The following MAPK8IP3 variants were observed in gnomAD, a reference collection of about 807,000 sequenced individuals.
MAPK8IP3 encodes C-Jun-amino-terminal kinase-interacting protein 3.
In MAPK8IP3, 49 loss-of-function variants were observed where a neutral mutation model predicts 157.8. The ratio of observed to expected loss-of-function variants is 0.31; its 90% CI spans 0.25 to 0.39. MAPK8IP3 has a LOEUF of 0.39. Ranked by LOEUF, MAPK8IP3 falls within the 10% of genes least tolerant of loss-of-function variation. The probability of loss-of-function intolerance (pLI) is 1.00; values close to 1 mark genes in which losing one functional copy is unlikely to be tolerated. For synonymous variants in MAPK8IP3, 897 were observed against 777.7 expected (o/e 1.15, Z -2.55); for missense variants, 1,478 against 1,889.4 (o/e 0.78, Z 4.04).
chr16:1,764,247 G>A (rs1261682215), intron 18 of MAPK8IP3, 37 bp downstream of exon 18: 1 of 1,600,582 alleles, frequency 6.2e-7, no homozygotes, highest in South Asian at 1.1e-5. Flanking sequence ...CTGGCTGGGC[G>A]AGCGGGAGGC....
intron 4 of MAPK8IP3, among the ~76,000 whole-genome samples, chr16:1,732,968 G>A (rs1335483843): frequency 6.6e-6 from 1 of 152,266 alleles, no homozygotes; most frequent in African/African-American, 2.4e-5. Flanking sequence ...TCCCACAGTG[G>A]GAGATTCTCA....
Position 1,767,836 on chromosome 16 carries a change from C to T in MAPK8IP3, c.3441C>T (p.Arg1147=), listed in dbSNP as rs778669869. The T allele has an allele frequency of 7.4e-6, 12 of 1,611,416 alleles. No individual in the cohort carries two copies. Among genetic ancestry groups the T allele is most frequent in the Non-Finnish European group, 1.0e-5 (12 of 1,179,944 alleles). ...GCAAGCTGGGTTTCTCCTTCGTACGCATCACGGCCCTGCTTGTCGCGGGCA... is the reference window on the plus strand; with the variant it reads ...GCAAGCTGGGTTTCTCCTTCGTACGTATCACGGCCCTGCTTGTCGCGGGCA... ...GTGKLGFSFV[R]ITALLVAGSR... is the part of the protein sequence containing the mutation. The change falls in exon 28 of 32, where the codon CGC becomes CGT. Residue 1147 remains arginine, a synonymous_variant. Coordinates refer to ENST00000610761, the MANE Select transcript of MAPK8IP3 (RefSeq NM_001318852.2).
chr16:1,761,105 G>A (rs2041907098), intron 12 of MAPK8IP3, 119 bp from the exon 13 acceptor site: 3 of 781,936 alleles, frequency 3.8e-6, no homozygotes, highest in Admixed American at 1.9e-5. Flanking sequence ...TCCCTGTGGG[G>A]AGAGCCCCCA....
chr16:1,714,662 G>A (rs2038026073), intron 1 of MAPK8IP3, among the ~76,000 whole-genome samples: 1 of 152,096 alleles, frequency 6.6e-6, no homozygotes, highest in Non-Finnish European at 1.5e-5. Flanking sequence ...CTTCTCCCCA[G>A]GAAATGAATT....
chr16:1,721,103 C>T (rs554039141), intron 1 of MAPK8IP3, among the ~76,000 whole-genome samples: 4 of 151,622 alleles, frequency 2.6e-5, no homozygotes, highest in South Asian at 2.1e-4. Flanking sequence ...TTGGGAAGGC[C>T]GAGGCGGGTG....
In MAPK8IP3 at chr16:1,768,183, G is replaced by C; in HGVS notation, c.3563-16G>C. The stretch of plus-strand genomic sequence containing the variant: ...CCTGTATGCGGGCTCAGCGCCTCTG[G>C]GTTCTCTCCCTGCAGCCAATAAGAC... On this transcript the variant is annotated splice_polypyrimidine_tract_variant and intron_variant, in intron 29 of 31. Coordinates refer to ENST00000610761, the MANE Select transcript of MAPK8IP3 (RefSeq NM_001318852.2). 1 of 1,611,884 alleles carries C rather than the reference G, an allele frequency of 6.2e-7. No homozygotes were observed. Among genetic ancestry groups the C allele is most frequent in the Non-Finnish European group, 8.5e-7 (1 of 1,179,568 alleles).
At position 1,747,141 on chromosome 16, in the gene MAPK8IP3, C is replaced by T. The variant is rs1411183440; in HGVS notation, c.860C>T (p.Thr287Ile). 2 of 1,614,060 alleles carry T rather than the reference C, an allele frequency of 1.2e-6. No homozygotes were observed. Among genetic ancestry groups the T allele is most frequent in the Admixed American group, 1.7e-5 (1 of 60,036 alleles). ...TCCTCCGTGCCCTCGGCCGCCGTCA[C>T]ACCCCTCAACGAGAGCCTGCAGCCC... ...PTSSVPSAAV[T>I]PLNESLQPLG... Residue 287 changes from threonine to isoleucine, a missense_variant, in exon 6 of 32, where the codon ACA (threonine) becomes ATA (isoleucine). This residue lies in a region of MAPK8IP3 where 315 missense variants were observed against 394.4 expected (regional missense o/e 0.80). Transcript: ENST00000610761.
chr16:1,754,820 G>T (rs567600506), intron 8 of MAPK8IP3, among the ~76,000 whole-genome samples: 1 of 152,148 alleles, frequency 6.6e-6, no homozygotes, highest in Admixed American at 6.5e-5. Context: ...ACAAGCCTGT[G>T]TAAGATTCAG....
chr16:1,766,535 C>T lies in MAPK8IP3; in HGVS notation c.2826C>T (p.Asn942=), dbSNP rs200230215. The T allele has an allele frequency of 3.4e-5, 55 of 1,611,580 alleles. No homozygotes were observed. The highest frequency in any genetic ancestry group is 2.5e-4 in the Admixed American group (15 of 60,012). The change falls in exon 23 of 32, where the codon AAC becomes AAT. Residue 942 remains asparagine (N), a synonymous_variant. Transcript: ENST00000610761. ...GCCACCGTTCTTCCTGCAGCGAGAA[C>T]GGGCCAGAGCCTGACAGCAGCAGCA... The part of the protein sequence containing the change: ...PSSGPQPGSE[N]GPEPDSSSTR...
chr16:1,758,849 A>G (rs1362625992), intron 9 of MAPK8IP3, 129 bp from the exon 10 acceptor site: 4 of 940,516 alleles, frequency 4.3e-6, no homozygotes, highest in South Asian at 1.4e-5. Flanking sequence ...ACCCTAACCC[A>G]GCAGACCCAG....
chr16:1,737,628 C>A (rs2040097747), intron 4 of MAPK8IP3, among the ~76,000 whole-genome samples: 1 of 81,814 alleles, frequency 1.2e-5, no homozygotes, highest in Non-Finnish European at 2.4e-5. Context: ...GTGTGACCAT[C>A]CATGTGAGCA....
At chr16:1,761,094 G>A (rs1310048310) in intron 12 of MAPK8IP3, 130 bp from the exon 13 acceptor site, 1 of 724,446 alleles carries the variant, frequency 1.4e-6, no homozygotes. Flanking sequence ...TGCTGAAGGG[G>A]TCCCTGTGGG....
intron 4 of MAPK8IP3, among the ~76,000 whole-genome samples, chr16:1,737,267 CGT>C (rs529268394): frequency 6.5e-5 from 5 of 76,556 alleles, no homozygotes; most frequent in African/African-American, 2.4e-4. Flanking sequence ...TCCGTGTGAG[CGT>C]GTGAGCGTCC....
chr16:1,764,059 G>A, intron 17 of MAPK8IP3, 56 bp from the exon 18 acceptor site: 2 of 1,492,024 alleles, frequency 1.3e-6, no homozygotes, highest in Non-Finnish European at 1.8e-6. Context: ...TCAGATTTCT[G>A]GAGGGATGGG....
At chr16:1,739,839 C>T (rs570817490) in intron 4 of MAPK8IP3, among the ~76,000 whole-genome samples, 5 of 114,840 alleles carry the variant, frequency 4.4e-5, no homozygotes, top group African/African-American at 1.7e-4. Flanking sequence ...TGTGACCGTC[C>T]GTGTGAGCAT....
chr16:1,763,984 C>G (rs1288718285), intron 17 of MAPK8IP3, 131 bp from the exon 18 acceptor site: 16 of 1,085,132 alleles, frequency 1.5e-5, no homozygotes, highest in Non-Finnish European at 1.3e-6. Context: ...CCGCGGCTCC[C>G]ACGCCCCCAC....
Position 1,706,287 on chromosome 16 carries a change from G to T in MAPK8IP3, c.-53G>T. 6.8e-7 allele frequency: 1 copy of T among 1,475,798 alleles called. No homozygotes were observed. The highest frequency in any genetic ancestry group is 1.4e-5 in the African/African-American group (1 of 70,780). The allele number at this position is 1,475,798 out of a possible 1,614,324, so 91.4% of individuals were successfully genotyped here. A position where few individuals can be genotyped will look rare whatever the true frequency, so the allele number is the denominator to read the frequency against. ...TGCGGAACCTGAGGCAGCTGGGGAG[G>T]GCCGGGCGCGCCGGCCGGATAGCGA... On this transcript the variant is annotated 5_prime_UTR_variant, in exon 1 of 32. Transcript: ENST00000610761. The surrounding 1 kb of genome is among the most constrained non-coding windows in gnomAD (Gnocchi z 5.1).
rs1596680666 is a variant in MAPK8IP3 at position 1,741,783 on chromosome 16, A to G, written c.603-1549A>G. Among the ~76,000 whole-genome samples the G allele has an allele frequency of 3.9e-5, 6 of 152,208 alleles. 1 individual carries two copies. In the East Asian group the frequency reaches 1.2e-3, roughly 29 times the overall value. ...TGAGTGCCATGGACCAGCAGCCAAG[A>G]TGGCACAGCCCAGTCCCAGCCGGCC... On this transcript the variant is annotated intron_variant, in intron 4 of 31. Coordinates refer to ENST00000610761, the MANE Select transcript of MAPK8IP3 (RefSeq NM_001318852.2). This position sits in a 1 kb window ranked among gnomAD's most constrained non-coding sequence, Gnocchi z 6.9.
intron 8 of MAPK8IP3, chr16:1,752,528 C>T (rs775177402): frequency 5.5e-5 from 19 of 347,564 alleles, no homozygotes; most frequent in Non-Finnish European, 8.0e-5. Flanking sequence ...GGATCACCTG[C>T]GCCTAGGAGT....
Sources: gnomAD v4.1 joint callset for allele counts (sites outside exome capture counted in the v4.1 genomes callset) on GRCh38, gnomAD v4.1.1 for gene constraint, gnomAD v4.1.1 regional missense constraint, Gnocchi (gnomAD v3.1) non-coding constraint, MANE v1.5 for transcripts, NCBI Gene and HGNC (gene_info 2026-07-23, HGNC 2026-07-21) for gene names.